Variants in TMEM47 observed in about 807,000 individuals in gnomAD.
TMEM47 encodes brain cell membrane protein 1.
In TMEM47, 3 loss-of-function variants were observed where a neutral mutation model predicts 12.4. The observed-to-expected ratio is 0.24, with a 90% CI of 0.11 to 0.63. TMEM47 has a LOEUF of 0.63. TMEM47 is among the 20% of genes least tolerant of loss of function. The pLI is 0.86. For missense variants in TMEM47, 89 were observed against 143.8 expected (o/e 0.62, Z 1.95); for synonymous variants, 62 against 63.3 (o/e 0.98, Z 0.10).
chrX:34,639,332 A>C lies in TMEM47; in HGVS notation c.282T>G (p.Ile94Met), dbSNP rs1458695451. 1.7e-6 allele frequency: 2 copies of C among 1,206,492 alleles called. No individual in the cohort carries two copies. The highest frequency in any genetic ancestry group is 5.9e-5 in the East Asian group (2 of 33,623). ...LLLGGAAIILIAFLVGLISIC... is the reference protein window; with the variant it reads ...LLLGGAAIILMAFLVGLISIC... ...TAGAAATCAAACCCACCAGGAATGC[A>C]ATGAGAATGATGGCAGCGCCGCCCA... The change falls in exon 2 of 3, where the codon ATT (isoleucine) becomes ATG (methionine). Residue 94 changes from isoleucine (I) to methionine (M), a missense_variant. Transcript: ENST00000275954.
chrX:34,645,217 G>C (rs1003823065), intron 1 of TMEM47, among the ~76,000 whole-genome samples: 6 of 111,559 alleles, frequency 5.4e-5, no homozygotes, highest in Non-Finnish European at 9.4e-5. Context: ...AGTACTAAAG[G>C]AAAAAAGAAA....
chrX:34,639,692 T>C (rs997159905), intron 1 of TMEM47, among the ~76,000 whole-genome samples: 1 of 111,990 alleles, frequency 8.9e-6, no homozygotes, highest in South Asian at 3.7e-4. Flanking sequence ...AATATTATTA[T>C]GATTTAAATT....
At chrX:34,642,733 C>A (rs1921841056) in intron 1 of TMEM47, among the ~76,000 whole-genome samples, 1 of 111,984 alleles carries the variant, frequency 8.9e-6, no homozygotes, top group East Asian at 2.8e-4. Flanking sequence ...ACTGCTCAAA[C>A]AGAAAAGCTA....
intron 1 of TMEM47, among the ~76,000 whole-genome samples, chrX:34,653,567 A>T (rs760451889): frequency 8.1e-5 from 9 of 111,744 alleles, no homozygotes; most frequent in Non-Finnish European, 1.7e-4. Context: ...TATAGAGCAC[A>T]TTTGATATCA....
chrX:34,630,291 T>C lies in TMEM47; in HGVS notation c.*22A>G. 8.6e-7 allele frequency: 1 copy of C among 1,163,502 alleles called. No homozygotes were observed. The highest frequency in any genetic ancestry group is 1.2e-6 in the Non-Finnish European group (1 of 866,913). On this transcript the variant is annotated 3_prime_UTR_variant, in exon 3 of 3. Coordinates refer to ENST00000275954, the MANE Select transcript of TMEM47 (RefSeq NM_031442.4). ...CCTTTTGTTGGATGGTGGTGGTTGT[T>C]TTTACTTTGAGACTATTGGTTCTAG...
At chrX:34,635,418 C>CTCG (rs1265326272) in intron 2 of TMEM47, among the ~76,000 whole-genome samples, 4 of 111,556 alleles carry the variant, frequency 3.6e-5, no homozygotes. Flanking sequence ...CACTTGATTT[C>CTCG]TCGTCTCAGG....
At chrX:34,632,491 A>C (rs1416613524) in intron 2 of TMEM47, among the ~76,000 whole-genome samples, 2 of 111,626 alleles carry the variant, frequency 1.8e-5, no homozygotes, top group African/African-American at 6.5e-5. Flanking sequence ...AAATACAGCA[A>C]ATTCATGAGG....
chrX:34,651,510 C>T (rs2147142264), intron 1 of TMEM47, among the ~76,000 whole-genome samples: 1 of 112,184 alleles, frequency 8.9e-6, no homozygotes, highest in Admixed American at 9.5e-5. Flanking sequence ...CATCCATCCT[C>T]ATTATGTCCT....
At chrX:34,639,165 T>C (rs770158142) in intron 2 of TMEM47, 82 bp downstream of exon 2, 3 of 1,058,248 alleles carry the variant, frequency 2.8e-6, no homozygotes, top group African/African-American at 3.8e-5. Context: ...AGCAAACACA[T>C]ACCTCTTCTG....
chrX:34,630,208 G>T lies in TMEM47; in HGVS notation c.*105C>A. ...AAAGATTAAATCAACTGAGCAAACT[G>T]CTTGATGCTCCACAAGTGTTTTAGA... On this transcript the variant is annotated 3_prime_UTR_variant, in exon 3 of 3. Transcript: ENST00000275954. 1 of 857,817 alleles carries T rather than the reference G, an allele frequency of 1.2e-6. No individual in the cohort carries two copies. 70.7% of individuals were successfully genotyped at this position (857,817 alleles called of 1,213,427 possible).
At chrX:34,641,820 A>G (rs768311404) in intron 1 of TMEM47, among the ~76,000 whole-genome samples, 8 of 112,307 alleles carry the variant, frequency 7.1e-5, no homozygotes, top group Non-Finnish European at 1.1e-4. Flanking sequence ...GCAGCCACAG[A>G]CAATGTGTAA....
chrX:34,631,796 T>G lies in TMEM47; in HGVS notation c.368-1305A>C, dbSNP rs183345549. The stretch of plus-strand genomic sequence containing the variant: ...TGTTGTGGATATGCACAAGACATAA[T>G]GTCTTCCACTTAAAATTCTTAACTT... On this transcript the variant is annotated intron_variant, in intron 2 of 2. Coordinates refer to ENST00000275954, the MANE Select transcript of TMEM47 (RefSeq NM_031442.4). Among the ~76,000 whole-genome samples the G allele has an allele frequency of 3.0e-3, 342 of 112,519 alleles. 1 individual carries two copies. The highest frequency in any genetic ancestry group is 5.3e-3 in the Non-Finnish European group (282 of 53,314).
At chrX:34,642,189 G>A (rs1382294261) in intron 1 of TMEM47, among the ~76,000 whole-genome samples, 3 of 112,725 alleles carry the variant, frequency 2.7e-5, no homozygotes, top group African/African-American at 9.7e-5. Context: ...AACAGGTGGT[G>A]AGTTGGTTTG....
At chrX:34,649,846 C>A (rs187159747) in intron 1 of TMEM47, among the ~76,000 whole-genome samples, 2,126 of 111,453 alleles carry the variant, frequency 0.019, 22 homozygotes, top group Non-Finnish European at 0.025. Context: ...CTGCCTCAGC[C>A]TCCCGAGTAG....
intron 2 of TMEM47, among the ~76,000 whole-genome samples, chrX:34,637,472 TTAAA>T (rs1921737910): frequency 9.0e-6 from 1 of 111,717 alleles, no homozygotes; most frequent in Admixed American, 9.5e-5. Context: ...AACATATTTA[TTAAA>T]TAAATAAAAA....
intron 1 of TMEM47, among the ~76,000 whole-genome samples, chrX:34,645,165 A>G (rs780900218): frequency 9.0e-6 from 1 of 111,670 alleles, no homozygotes. Flanking sequence ...AGTATTGCCA[A>G]TCCCATTCTA....
intron 1 of TMEM47, among the ~76,000 whole-genome samples, chrX:34,644,173 T>C (rs951236459): frequency 8.9e-6 from 1 of 111,760 alleles, no homozygotes; most frequent in Non-Finnish European, 1.9e-5. Flanking sequence ...AATCGGGCAG[T>C]CCCTATACTA....
intron 2 of TMEM47, among the ~76,000 whole-genome samples, chrX:34,636,547 C>T (rs1288894902): frequency 2.7e-5 from 3 of 111,712 alleles, no homozygotes; most frequent in South Asian, 3.7e-4. Flanking sequence ...AAGAAGAGAA[C>T]GTGGCAAGAG....
chrX:34,635,775 G>A (rs1301647047), intron 2 of TMEM47, among the ~76,000 whole-genome samples: 1 of 111,490 alleles, frequency 9.0e-6, no homozygotes, highest in Non-Finnish European at 1.9e-5. Context: ...GGAATGAGAC[G>A]TTCCATTTAG....
Sources: allele counts gnomAD v4.1 joint callset (sites outside exome capture counted in the v4.1 genomes callset), GRCh38; gene constraint gnomAD v4.1.1; transcripts MANE v1.5; gene names NCBI Gene and HGNC (gene_info 2026-07-23, HGNC 2026-07-21).